Variants in CORO1B observed in about 807,000 individuals in gnomAD.
CORO1B encodes the protein coronin 1B, also known as coronin-1B.
Under a neutral mutation model 51.1 loss-of-function variants are expected in CORO1B, and 30 were observed. The ratio of observed to expected loss-of-function variants is 0.59; its 90% CI spans 0.44 to 0.80. The LOEUF is 0.80. Among genes scored for constraint, CORO1B ranks in the 30% least tolerant of loss-of-function variants. The probability of loss-of-function intolerance (pLI) is 0.00; values close to 1 mark genes in which losing one functional copy is unlikely to be tolerated. For missense variants in CORO1B, 648 were observed against 700.4 expected (o/e 0.93, Z 0.84); for synonymous variants, 310 against 289.7 (o/e 1.07, Z -0.71).
intron 6 of CORO1B, chr11:67,440,922 C>T: frequency 1.4e-6 from 1 of 704,034 alleles, no homozygotes; most frequent in South Asian, 1.7e-5. Context: ...GACACAGAGG[C>T]AGTGGGAGGC....
chr11:67,440,982 G>A, intron 6 of CORO1B, 143 bp downstream of exon 6: 1 of 1,245,500 alleles, frequency 8.0e-7, no homozygotes, highest in East Asian at 2.4e-5. Flanking sequence ...GGAGAGGAAA[G>A]TCTGACAGAG....
In CORO1B at chr11:67,441,389, C is replaced by G. The variant is rs777408572; in HGVS notation, c.580G>C (p.Ala194Pro). 1 of 1,613,850 alleles carries G rather than the reference C, an allele frequency of 6.2e-7. No homozygotes were observed. Among genetic ancestry groups the G allele is most frequent in the South Asian group, 1.1e-5 (1 of 91,088 alleles). Residue 194 changes from alanine (A) to proline (P), a missense_variant, in exon 5 of 11, where the codon GCA becomes CCA. Transcript: ENST00000341356. ...WNHNGSLFCS[A>P]CKDKSVRIID... ...ATGCGCACGCTCTTGTCCTTGCATG[C>G]TGAGCAAAACAGGCTGCCATTGTGG...
chr11:67,438,231 T>G lies in CORO1B; in HGVS notation c.*145A>C. 9.6e-7 allele frequency: 1 copy of G among 1,044,318 alleles called. No homozygotes were observed. Among genetic ancestry groups the G allele is most frequent in the South Asian group, 1.7e-5 (1 of 57,898 alleles). The allele number at this position is 1,044,318 out of a possible 1,614,324, so 64.7% of individuals were successfully genotyped here. ...GGAAAGCTGGGCGCTGGCTTCGGCC[T>G]GGGCCTGGGACGGGTGGGGGTGGGA... On this transcript the variant is annotated 3_prime_UTR_variant, in exon 11 of 11. Transcript: ENST00000341356.
At chr11:67,440,484 C>G (rs373355481) in intron 6 of CORO1B, 45 bp from the exon 7 acceptor site, 186 of 1,579,138 alleles carry the variant, frequency 1.2e-4, no homozygotes, top group Non-Finnish European at 1.5e-4. Context: ...CTCCTCACCC[C>G]CTAATCCCAA....
At chr11:67,440,029 C>T in intron 8 of CORO1B, 89 bp downstream of exon 8, 1 of 1,525,778 alleles carries the variant, frequency 6.6e-7, no homozygotes, top group Middle Eastern at 2.4e-4. Flanking sequence ...CTCCCTGGCG[C>T]AAGGTTTCCT....
In CORO1B at chr11:67,438,178, G is replaced by A. The variant is rs1243546508; in HGVS notation, c.*198C>T. ...CTCAGAGGTCGAGGAGCTCGCCTGG[G>A]CGTAGACATCCTCCACAGGAACAGT... On this transcript the variant is annotated 3_prime_UTR_variant, in exon 11 of 11. Coordinates refer to ENST00000341356, the MANE Select transcript of CORO1B (RefSeq NM_020441.3). 3.3e-6 allele frequency: 2 copies of A among 599,026 alleles called. No homozygotes were observed. Among genetic ancestry groups the A allele is most frequent in the Non-Finnish European group, 2.7e-6 (1 of 366,162 alleles). 37.1% of individuals were successfully genotyped at this position (599,026 alleles called of 1,614,324 possible).
Position 67,438,200 on chromosome 11 carries a change from C to G in CORO1B, c.*176G>C. 3 of 733,894 alleles carry G rather than the reference C, an allele frequency of 4.1e-6. No homozygotes were observed. The highest frequency in any genetic ancestry group is 6.4e-6 in the Non-Finnish European group (3 of 469,202). The allele number at this position is 733,894 out of a possible 1,614,324, so 45.5% of individuals were successfully genotyped here. The stretch of plus-strand genomic sequence containing the variant: ...TGGGCGTAGACATCCTCCACAGGAA[C>G]AGTGAGGAAAGCTGGGCGCTGGCTT... On this transcript the variant is annotated 3_prime_UTR_variant, in exon 11 of 11. Transcript: ENST00000341356.
chr11:67,438,183 G>T lies in CORO1B; in HGVS notation c.*193C>A. On this transcript the variant is annotated 3_prime_UTR_variant, in exon 11 of 11. Coordinates refer to ENST00000341356, the MANE Select transcript of CORO1B (RefSeq NM_020441.3). ...AGGTCGAGGAGCTCGCCTGGGCGTA[G>T]ACATCCTCCACAGGAACAGTGAGGA... 1 of 624,820 alleles carries T rather than the reference G, an allele frequency of 1.6e-6. No homozygotes were observed. Among genetic ancestry groups the T allele is most frequent in the South Asian group, 2.9e-5 (1 of 34,608 alleles). 38.7% of individuals were successfully genotyped at this position (624,820 alleles called of 1,614,324 possible).
Position 67,438,283 on chromosome 11 carries a change from T to C in CORO1B, c.*93A>G. On this transcript the variant is annotated 3_prime_UTR_variant, in exon 11 of 11. Transcript: ENST00000341356. ...CTGACCCCTGCGCTGCCTCAGAGGC[T>C]CTGGGCAGCCAGCTAGCCCGGTGCG... The C allele has an allele frequency of 6.7e-7, 1 of 1,501,586 alleles. No individual in the cohort carries two copies. The highest frequency in any genetic ancestry group is 8.9e-7 in the Non-Finnish European group (1 of 1,117,668). 93.0% of individuals were successfully genotyped at this position (1,501,586 alleles called of 1,614,324 possible).
chr11:67,437,556 C>G lies in CORO1B; in HGVS notation c.*820G>C, dbSNP rs962730445. 18 of 1,331,030 alleles carry G rather than the reference C, an allele frequency of 1.4e-5. No homozygotes were observed. Among genetic ancestry groups the G allele is most frequent in the Non-Finnish European group, 1.6e-5 (16 of 1,030,496 alleles). The allele number at this position is 1,331,030 out of a possible 1,614,324, so 82.5% of individuals were successfully genotyped here. On this transcript the variant is annotated 3_prime_UTR_variant, in exon 11 of 11. Transcript: ENST00000341356. ...CCCTCCTTAGCTCCACAGGCCCAGA[C>G]ATTCTAGCCCCGACCGCCTGTGGCC... is the stretch of plus-strand genomic sequence containing the variant.
Position 67,441,773 on chromosome 11 carries a change from G to T in CORO1B, c.414C>A (p.Ile138=), listed in dbSNP as rs772505324. The T allele has an allele frequency of 2.5e-6, 4 of 1,612,774 alleles. No individual in the cohort carries two copies. Among genetic ancestry groups the T allele is most frequent in the Non-Finnish European group, 3.4e-6 (4 of 1,179,854 alleles). The change falls in exon 4 of 11, where the codon ATC becomes ATA. Residue 138 remains isoleucine, a synonymous_variant. Coordinates refer to ENST00000341356, the MANE Select transcript of CORO1B (RefSeq NM_020441.3). ...CGTTTCGGGCCGTGGGGTGCCAGGC[G>T]ATGATGCCCACTCGCTTGGTGTGCC... The part of the protein sequence containing the change: ...LEGHTKRVGI[I]AWHPTARNVL...
At position 67,436,289 on chromosome 11, in the gene CORO1B, C is replaced by G. The variant is rs1202787698; in HGVS notation, c.*2087G>C. The G allele has an allele frequency of 2.6e-6, 4 of 1,534,396 alleles. No individual in the cohort carries two copies. The South Asian group carries it at 3.6e-5, about 14-fold the overall frequency. On this transcript the variant is annotated 3_prime_UTR_variant, in exon 11 of 11. Coordinates refer to ENST00000341356, the MANE Select transcript of CORO1B (RefSeq NM_020441.3). The stretch of plus-strand genomic sequence containing the variant: ...GCCCACGCTGTCCTCCGCGCTGCCA[C>G]CCGAGCCCAAGGCCCCTGGCAGGGC...
rs778282720 is a variant in CORO1B at position 67,438,355 on chromosome 11, A to AGGTGGC, written c.*15_*20dup. ...GGGAAGGGGGCGGCGGAGGAGATGA[A>AGGTGGC]GGTGGCGTGTGGCTGTGGCCCTACG... On this transcript the variant is annotated 3_prime_UTR_variant, in exon 11 of 11. Coordinates refer to ENST00000341356, the MANE Select transcript of CORO1B (RefSeq NM_020441.3). The AGGTGGC allele has an allele frequency of 3.2e-6, 5 of 1,583,514 alleles. No individual in the cohort carries two copies. The East Asian group carries it at 1.1e-4, about 36-fold the overall frequency.
Position 67,435,700 on chromosome 11 carries a change from G to C in CORO1B, c.*2676C>G. The stretch of plus-strand genomic sequence containing the variant: ...GAAGCAGAGGCACGGGGAGTGAGCG[G>C]CTGTGACAGGGATGGGACACCAAGA... On this transcript the variant is annotated 3_prime_UTR_variant, in exon 11 of 11. Coordinates refer to ENST00000341356, the MANE Select transcript of CORO1B (RefSeq NM_020441.3). 3 of 1,499,066 alleles carry C rather than the reference G, an allele frequency of 2.0e-6. No homozygotes were observed. The highest frequency in any genetic ancestry group is 2.7e-6 in the Non-Finnish European group (3 of 1,129,716). 92.9% of individuals were successfully genotyped at this position (1,499,066 alleles called of 1,614,324 possible). A position where few individuals can be genotyped will look rare whatever the true frequency, so the allele number is the denominator to read the frequency against.
At chr11:67,441,104 C>T (rs1348344280) in intron 6 of CORO1B, 21 bp downstream of exon 6, 2 of 1,612,770 alleles carry the variant, frequency 1.2e-6, no homozygotes, top group Non-Finnish European at 1.7e-6. Flanking sequence ...TCAAGTTTGC[C>T]CCCTCAGGCT....
At position 67,438,877 on chromosome 11, in the gene CORO1B, C is replaced by T; in HGVS notation, c.1138G>A (p.Val380Met). 6.2e-7 allele frequency: 1 copy of T among 1,608,714 alleles called. No homozygotes were observed. The highest frequency in any genetic ancestry group is 8.5e-7 in the Non-Finnish European group (1 of 1,178,822). The change falls in exon 10 of 11, where the codon GTG becomes ATG. Residue 380 changes from valine to methionine, a missense_variant. Transcript: ENST00000341356. ...ATCGGGTCGGCATCCCGCCCGCTCA[C>T]CCACTCCTCAGCCTCCAGGGCTGCC... is the stretch of plus-strand genomic sequence containing the variant. Reference protein sequence around the residue: ...PEAALEAEEWVSGRDADPILI... With the variant: ...PEAALEAEEWMSGRDADPILI...
At position 67,436,613 on chromosome 11, in the gene CORO1B, T is replaced by G. The variant is rs1226911639; in HGVS notation, c.*1763A>C. On this transcript the variant is annotated 3_prime_UTR_variant, in exon 11 of 11. Coordinates refer to ENST00000341356, the MANE Select transcript of CORO1B (RefSeq NM_020441.3). ...CTGCCTGGGGCCTTCGCACTGGCTGTTCCCTCTGCCCGGAAAGCTCCACCT... is the reference window on the plus strand; with the variant it reads ...CTGCCTGGGGCCTTCGCACTGGCTGGTCCCTCTGCCCGGAAAGCTCCACCT... 9 of 383,052 alleles carry G rather than the reference T, an allele frequency of 2.3e-5. No individual in the cohort carries two copies. Among genetic ancestry groups the G allele is most frequent in the Non-Finnish European group, 3.7e-5 (8 of 214,940 alleles). The allele number at this position is 383,052 out of a possible 1,614,324, so 23.7% of individuals were successfully genotyped here.
chr11:67,443,407 G>C lies in CORO1B; in HGVS notation c.-6C>G. ...GCCCCGGCCCTGCCGCGCTCACCGG[G>C]GGCACCGGGGGCGCAGGGGGCTGCG... On this transcript the variant is annotated 5_prime_UTR_variant, in exon 1 of 11. Coordinates refer to ENST00000341356, the MANE Select transcript of CORO1B (RefSeq NM_020441.3). The C allele has an allele frequency of 1.0e-6, 1 of 962,006 alleles. No homozygotes were observed. The allele number at this position is 962,006 out of a possible 1,614,324, so 59.6% of individuals were successfully genotyped here.
chr11:67,440,114 T>C lies in CORO1B; in HGVS notation c.1007+4A>G. 1 of 1,608,516 alleles carries C rather than the reference T, an allele frequency of 6.2e-7. No individual in the cohort carries two copies. Among genetic ancestry groups the C allele is most frequent in the Non-Finnish European group, 8.5e-7 (1 of 1,177,148 alleles). On this transcript the variant is annotated splice_donor_region_variant and intron_variant, in intron 8 of 10. Coordinates refer to ENST00000341356, the MANE Select transcript of CORO1B (RefSeq NM_020441.3). ...TCCCCGAGTGGCCTCGGTAGCCCTC[T>C]TACCGGGCGATCTCGCACTTGCTGA... is the stretch of plus-strand genomic sequence containing the variant.
Sources: allele counts gnomAD v4.1 joint callset, GRCh38; gene constraint gnomAD v4.1.1; transcripts MANE v1.5; gene names NCBI Gene and HGNC (gene_info 2026-07-23, HGNC 2026-07-21).